The following PEBP4 variants were observed in gnomAD, a reference collection of about 807,000 sequenced individuals.
PEBP4 encodes the protein phosphatidylethanolamine-binding protein 4.
A neutral mutation model predicts 23.9 loss-of-function variants in PEBP4; 22 were observed. That is an observed-to-expected ratio of 0.92 (90% CI 0.66 to 1.31). The LOEUF (loss-of-function observed/expected upper bound fraction) is 1.31. Among genes scored for constraint, PEBP4 ranks in the 40% most tolerant of loss-of-function variants. PEBP4 has a pLI of 0.00. For synonymous variants in PEBP4, 112 were observed against 99.3 expected, an observed-to-expected ratio of 1.13 and a Z score of -0.76; for missense variants, 324 against 281.7, an observed-to-expected ratio of 1.15 and a Z score of -1.07.
intron 4 of PEBP4, among the ~76,000 whole-genome samples, chr8:22,779,326 C>T (rs1805873206): frequency 6.6e-6 from 1 of 152,118 alleles, no homozygotes; most frequent in Non-Finnish European, 1.5e-5. Context: ...TTATTGGCCT[C>T]AATTTACAAA....
intron 4 of PEBP4, among the ~76,000 whole-genome samples, chr8:22,807,849 C>T (rs1428881743): frequency 6.7e-6 from 1 of 150,122 alleles, no homozygotes; most frequent in African/African-American, 2.5e-5. Context: ...TCCATCCATC[C>T]ACCCACCCAC....
chr8:22,935,901 G>A (rs1224027298), intron 1 of PEBP4, among the ~76,000 whole-genome samples: 3 of 151,802 alleles, frequency 2.0e-5, no homozygotes, highest in Non-Finnish European at 2.9e-5. Context: ...TGCAGTGAAA[G>A]CTGTACATGC....
rs1174347106 is a variant in PEBP4, at chr8:22,865,317, C to G, written c.259-47582G>C. On this transcript the variant is annotated intron_variant, in intron 3 of 6. Transcript: ENST00000256404. This position sits in a 1 kb window ranked among gnomAD's most constrained non-coding sequence, Gnocchi z 6.9. ...AAGAGCGGCGGGCGGATGGGAATTA[C>G]CCCGGGTCCCCCTGCGGCGTCTCCC... 1.3e-5 allele frequency among the ~76,000 whole-genome samples: 2 copies of G among 151,752 alleles called. No individual in the cohort carries two copies.
chr8:22,795,024 C>T (rs1339151963), intron 4 of PEBP4, among the ~76,000 whole-genome samples: 1 of 151,022 alleles, frequency 6.6e-6, no homozygotes, highest in African/African-American at 2.4e-5. Flanking sequence ...TTATTATACT[C>T]TCAGTATATA....
intron 3 of PEBP4, among the ~76,000 whole-genome samples, chr8:22,849,548 C>A (rs531419007): frequency 8.5e-5 from 13 of 152,308 alleles, no homozygotes; most frequent in Non-Finnish European, 1.6e-4. Flanking sequence ...TTCTTAGCAC[C>A]TTCTGACCCA....
chr8:22,836,184 C>T (rs1293386843), intron 3 of PEBP4, among the ~76,000 whole-genome samples: 3 of 152,212 alleles, frequency 2.0e-5, no homozygotes, highest in Non-Finnish European at 4.4e-5. Flanking sequence ...AAGTGCTTTT[C>T]TCTTAGACTG....
At chr8:22,881,048 G>C (rs1808244436) in intron 3 of PEBP4, among the ~76,000 whole-genome samples, 1 of 152,242 alleles carries the variant, frequency 6.6e-6, no homozygotes, top group African/African-American at 2.4e-5. Context: ...AGTTTGGGTT[G>C]AGCCATCTAG....
intron 4 of PEBP4, among the ~76,000 whole-genome samples, chr8:22,798,042 C>A (rs1021080580): frequency 4.6e-5 from 7 of 152,050 alleles, no homozygotes; most frequent in Non-Finnish European, 1.0e-4. Flanking sequence ...TTGTGTGGCA[C>A]AGACTGAGTG....
intron 3 of PEBP4, among the ~76,000 whole-genome samples, chr8:22,908,200 G>A (rs1013078870): frequency 7.2e-5 from 11 of 152,064 alleles, no homozygotes; most frequent in African/African-American, 2.7e-4. Context: ...AAATGCATGT[G>A]AGCAGGAAAT....
At chr8:22,906,570 G>A (rs911289166) in intron 3 of PEBP4, among the ~76,000 whole-genome samples, 1 of 152,138 alleles carries the variant, frequency 6.6e-6, no homozygotes, top group Non-Finnish European at 1.5e-5. Flanking sequence ...CCACTGCCTT[G>A]CCTCGACTGT....
intron 4 of PEBP4, among the ~76,000 whole-genome samples, chr8:22,789,720 GTCT>G (rs1484036607): frequency 1.3e-5 from 2 of 152,154 alleles, no homozygotes; most frequent in Non-Finnish European, 2.9e-5. Context: ...AGGCTTCACT[GTCT>G]TCTTAAGAAA....
intron 3 of PEBP4, chr8:22,884,082 G>C (rs1315686153): frequency 1.3e-5 from 2 of 152,136 alleles, no homozygotes; most frequent in Non-Finnish European, 2.9e-5. Flanking sequence ...CTGAAGAGTT[G>C]GCAATTTTGG....
chr8:22,852,378 C>T (rs367857139), intron 3 of PEBP4, among the ~76,000 whole-genome samples: 2 of 152,236 alleles, frequency 1.3e-5, no homozygotes, highest in East Asian at 3.9e-4. Context: ...TACACGAACA[C>T]ATTTGCAGAT....
rs536993520 is a variant in PEBP4 at position 22,898,391 on chromosome 8, C to CAAAAAAAAAAAAAAAAAAAA, written c.258+21773_258+21792dup. ...TGAGCGACAGAGGAAGACTCCACCC[C>CAAAAAAAAAAAAAAAAAAAA]AAAAAAAAAAAAAAAAAAAAAAAAA... On this transcript the variant is annotated intron_variant, in intron 3 of 6. Transcript: ENST00000256404. 2.5e-4 allele frequency among the ~76,000 whole-genome samples: 2 copies of CAAAAAAAAAAAAAAAAAAAA among 7,958 alleles called. 1 individual carries two copies. Among genetic ancestry groups the CAAAAAAAAAAAAAAAAAAAA allele is most frequent in the Non-Finnish European group, 5.5e-4 (2 of 3,648 alleles). 5.2% of individuals were successfully genotyped at this position (7,958 alleles called of 152,430 possible).
rs111385465 is a variant in PEBP4 at position 22,867,150 on chromosome 8, C to G, written c.259-49415G>C. ...AAAATCTGCCCTTTCCCTTGAAGAC[C>G]TAAGAGAGCCATCCCAGAGTGGGCT... is the stretch of plus-strand genomic sequence containing the variant. On this transcript the variant is annotated intron_variant, in intron 3 of 6. Coordinates refer to ENST00000256404, the MANE Select transcript of PEBP4 (RefSeq NM_144962.3). Among the ~76,000 whole-genome samples the G allele has an allele frequency of 3.9e-5, 6 of 152,264 alleles. 1 individual carries two copies. Among genetic ancestry groups the G allele is most frequent in the African/African-American group, 1.4e-4 (6 of 41,546 alleles).
chr8:22,874,037 C>A (rs1328636813), intron 3 of PEBP4, among the ~76,000 whole-genome samples: 1 of 152,158 alleles, frequency 6.6e-6, no homozygotes, highest in African/African-American at 2.4e-5. Context: ...AATTCCAGGT[C>A]TCGACATCTT....
At chr8:22,927,997 T>C, upstream of PEBP4, 1 of 394,760 alleles carries the variant, frequency 2.5e-6, no homozygotes, top group South Asian at 2.8e-5. Context: ...GTCACTCTTG[T>C]CCTGGCTGCC....
chr8:22,802,270 G>A (rs145022634), intron 4 of PEBP4, among the ~76,000 whole-genome samples: 1 of 152,212 alleles, frequency 6.6e-6, no homozygotes, highest in Admixed American at 6.5e-5. Flanking sequence ...TCTGGGTGGA[G>A]GTTGGCAGGG....
chr8:22,936,678 T>G (rs1809545008), intron 1 of PEBP4, among the ~76,000 whole-genome samples: 1 of 152,176 alleles, frequency 6.6e-6, no homozygotes, highest in South Asian at 2.1e-4. Context: ...CAATATCCCT[T>G]AGAAACTCTG....
Sources: gnomAD v4.1 joint callset for allele counts (sites outside exome capture counted in the v4.1 genomes callset) on GRCh38, gnomAD v4.1.1 for gene constraint, Gnocchi (gnomAD v3.1) non-coding constraint, MANE v1.5 for transcripts, NCBI Gene and HGNC (gene_info 2026-07-23, HGNC 2026-07-21) for gene names.